MRAP2: variants seen among roughly 807,000 people sequenced by gnomAD.
The protein encoded by MRAP2 is melanocortin 2 receptor accessory protein 2, also known as melanocortin-2 receptor accessory protein 2.
MRAP2 carries 20 observed loss-of-function variants against 17.4 expected under a neutral mutation model. That is an observed-to-expected ratio of 1.15 (90% confidence interval 0.81 to 1.67). MRAP2 has a LOEUF of 1.67. Ranked by LOEUF, MRAP2 falls within the 40% of genes most tolerant of loss-of-function variation. The probability of loss-of-function intolerance (pLI) is 0.00; values close to 1 mark genes in which losing one functional copy is unlikely to be tolerated. For missense variants in MRAP2, 238 were observed against 240.0 expected (o/e 0.99, Z 0.05); for synonymous variants, 96 against 88.4 (o/e 1.09, Z -0.48).
intron 3 of MRAP2, among the ~76,000 whole-genome samples, chr6:84,066,120 G>A (rs1383166990): frequency 1.3e-5 from 2 of 152,124 alleles, no homozygotes; most frequent in African/African-American, 4.8e-5. Context: ...GGGTAGTTGA[G>A]ACTTGCCTTT....
At chr6:84,122,283 G>C in the MRAP2 span, among the ~76,000 whole-genome samples, 1 of 139,932 alleles carries the variant, frequency 7.1e-6, no homozygotes, top group African/African-American at 2.7e-5. Flanking sequence ...CTGCAGGCCA[G>C]TCTTCCTGAT....
intron 1 of MRAP2, chr6:84,035,485 G>A: frequency 1.2e-6 from 1 of 866,208 alleles, no homozygotes; most frequent in Non-Finnish European, 1.4e-6. Flanking sequence ...GACTCATTAG[G>A]CTAATGATCA....
Position 84,089,503 on chromosome 6 carries a change from C to G in MRAP2, c.*22C>G. The G allele has an allele frequency of 6.3e-7, 1 of 1,591,982 alleles. No homozygotes were observed. On this transcript the variant is annotated 3_prime_UTR_variant, in exon 4 of 4. Coordinates refer to ENST00000257776, the MANE Select transcript of MRAP2 (RefSeq NM_138409.4). ...TTGAGAAACATGCTCTGTAAAGGGT[C>G]TTCCTGAAGATGTGGATTCTATCTT...
chr6:84,042,358 A>G (rs1588621114), intron 1 of MRAP2, among the ~76,000 whole-genome samples: 1 of 152,318 alleles, frequency 6.6e-6, no homozygotes, highest in African/African-American at 2.4e-5. Context: ...CTTCCACTGA[A>G]TTATCCCAAT....
At chr6:84,142,281 T>A in the MRAP2 span, among the ~76,000 whole-genome samples, 1 of 152,182 alleles carries the variant, frequency 6.6e-6, no homozygotes, top group Admixed American at 6.5e-5. Flanking sequence ...AATACACAAT[T>A]TGCATTCAAC....
At chr6:84,087,592 G>A (rs60609955) in intron 3 of MRAP2, among the ~76,000 whole-genome samples, 20,583 of 152,190 alleles carry the variant, frequency 0.14, 1,406 homozygotes, top group Middle Eastern at 0.23. Flanking sequence ...AGAAATGACA[G>A]TTGAGGGAAA....
intron 3 of MRAP2, 110 bp downstream of exon 3, chr6:84,063,102 G>T (rs879413808): frequency 4.7e-5 from 73 of 1,537,190 alleles, no homozygotes; most frequent in Non-Finnish European, 6.2e-5. Flanking sequence ...GAAGGGGGTG[G>T]TTATAGATTT....
At chr6:84,100,366 C>T in the MRAP2 span, among the ~76,000 whole-genome samples, 1 of 152,084 alleles carries the variant, frequency 6.6e-6, no homozygotes, top group African/African-American at 2.4e-5. Flanking sequence ...TGGGCTCAAG[C>T]CATCTTCCCA....
chr6:84,072,699 G>A (rs951302048), intron 3 of MRAP2, among the ~76,000 whole-genome samples: 17 of 152,090 alleles, frequency 1.1e-4, no homozygotes, highest in African/African-American at 3.4e-4. Context: ...ATCGGGTTGG[G>A]GCAAGGCTAG....
chr6:84,064,959 C>G (rs2099494258), intron 3 of MRAP2, among the ~76,000 whole-genome samples: 1 of 152,174 alleles, frequency 6.6e-6, no homozygotes, highest in South Asian at 2.1e-4. Context: ...CATCACTCAG[C>G]TATTTCTAGA....
At position 84,068,138 on chromosome 6, in the gene MRAP2, C is replaced by T. The variant is rs143252425; in HGVS notation, c.227+5146C>T. Among the ~76,000 whole-genome samples, 895 of 152,182 alleles carry T rather than the reference C, an allele frequency of 5.9e-3. 5 individuals are homozygous for T. Among genetic ancestry groups the T allele is most frequent in the African/African-American group, 0.021 (863 of 41,532 alleles). ...GCCAATTATCCCAGCGCCATTTGTTCAAAAGAGTGTCCTTTCCCCACTTTA... is the reference window on the plus strand; with the variant it reads ...GCCAATTATCCCAGCGCCATTTGTTTAAAAGAGTGTCCTTTCCCCACTTTA... On this transcript the variant is annotated intron_variant, in intron 3 of 3. Transcript: ENST00000257776.
intron 2 of MRAP2, among the ~76,000 whole-genome samples, chr6:84,056,532 A>C (rs968105018): frequency 6.6e-6 from 1 of 152,214 alleles, no homozygotes; most frequent in African/African-American, 2.4e-5. Context: ...TTGTGGAAAA[A>C]AAGCACATGG....
the MRAP2 span, among the ~76,000 whole-genome samples, chr6:84,133,595 C>G: frequency 6.6e-6 from 1 of 152,206 alleles, no homozygotes; most frequent in African/African-American, 2.4e-5. Context: ...TTGCTGCTGC[C>G]TTGCAGTTCA....
At chr6:84,076,262 C>T (rs552447220) in intron 3 of MRAP2, among the ~76,000 whole-genome samples, 1 of 149,522 alleles carries the variant, frequency 6.7e-6, no homozygotes, top group East Asian at 2.0e-4. Context: ...CTCACTCTGT[C>T]ACCCCGGCTG....
At chr6:84,083,242 G>A (rs180838518) in intron 3 of MRAP2, among the ~76,000 whole-genome samples, 7 of 152,266 alleles carry the variant, frequency 4.6e-5, no homozygotes, top group South Asian at 2.1e-4. Context: ...GATTTTGAGC[G>A]TTATTCCCAA....
chr6:84,133,197 T>G, the MRAP2 span, among the ~76,000 whole-genome samples: 1 of 152,166 alleles, frequency 6.6e-6, no homozygotes, highest in South Asian at 2.1e-4. Flanking sequence ...ACAGCAAATG[T>G]TGCTGCCTGA....
chr6:84,110,632 T>C, the MRAP2 span, among the ~76,000 whole-genome samples: 1 of 152,348 alleles, frequency 6.6e-6, no homozygotes, highest in African/African-American at 2.4e-5. Flanking sequence ...GTTTTGGCTT[T>C]TGTTGCCATT....
the MRAP2 span, among the ~76,000 whole-genome samples, chr6:84,112,954 G>A: frequency 1.6e-4 from 25 of 152,276 alleles, no homozygotes; most frequent in African/African-American, 5.8e-4. Context: ...TTGCACTGTG[G>A]TCTGAGAGAC....
Position 84,066,908 on chromosome 6 carries a change from T to C in MRAP2, c.227+3916T>C, listed in dbSNP as rs989538043. Among the ~76,000 whole-genome samples, 9 of 152,178 alleles carry C rather than the reference T, an allele frequency of 5.9e-5. No homozygotes were observed. In the South Asian group the frequency reaches 1.4e-3, roughly 25 times the overall value. On this transcript the variant is annotated intron_variant, in intron 3 of 3. Coordinates refer to ENST00000257776, the MANE Select transcript of MRAP2 (RefSeq NM_138409.4). Reference sequence around the variant, plus strand: ...CAGATTTGTTATTTTTTCCATAAATTATTGGGGTACAGGTGGTATTTGGTT... The same window carrying C: ...CAGATTTGTTATTTTTTCCATAAATCATTGGGGTACAGGTGGTATTTGGTT...
Sources: gnomAD v4.1 joint callset for allele counts (sites outside exome capture counted in the v4.1 genomes callset) on GRCh38, gnomAD v4.1.1 for gene constraint, MANE v1.5 for transcripts, NCBI Gene and HGNC (gene_info 2026-07-23, HGNC 2026-07-21) for gene names.